The following MALRD1 variants were observed in gnomAD, a reference collection of about 807,000 sequenced individuals.
MALRD1 encodes MAM and LDL-receptor class A domain-containing protein 1.
In MALRD1, 247 loss-of-function variants were observed where a neutral mutation model predicts 242.1. That is an observed-to-expected ratio of 1.02 (90% CI 0.92 to 1.13). MALRD1 has a LOEUF of 1.13. Among genes scored for constraint, MALRD1 ranks in the 50% most tolerant of loss-of-function variants. The pLI is 0.00. For missense variants in MALRD1, 2,989 were observed against 2,533.1 expected, an observed-to-expected ratio of 1.18 and a Z score of -3.86; for synonymous variants, 995 against 866.6, an observed-to-expected ratio of 1.15 and a Z score of -2.60.
chr10:19,493,172 C>T (rs1016409341), intron 30 of MALRD1: 1 of 152,046 alleles, frequency 6.6e-6, no homozygotes, highest in Non-Finnish European at 1.5e-5. Flanking sequence ...TACCCCTTCC[C>T]CTAGACCATG....
chr10:19,554,640 A>G (rs886485069), intron 32 of MALRD1, among the ~76,000 whole-genome samples: 2 of 151,922 alleles, frequency 1.3e-5, no homozygotes, highest in African/African-American at 2.4e-5. Context: ...GAGAACATGC[A>G]GTGTTTGGTT....
At chr10:19,552,866 T>C (rs1835548535) in intron 32 of MALRD1, among the ~76,000 whole-genome samples, 1 of 152,182 alleles carries the variant, frequency 6.6e-6, no homozygotes, top group Non-Finnish European at 1.5e-5. Flanking sequence ...GTTCAAGCTA[T>C]AGTCCACAAC....
chr10:19,308,888 A>AC (rs1842324482), intron 21 of MALRD1, among the ~76,000 whole-genome samples: 1 of 151,618 alleles, frequency 6.6e-6, no homozygotes, highest in Non-Finnish European at 1.5e-5. Flanking sequence ...TAAGAATGTA[A>AC]TAAATCAAAG....
In MALRD1 at chr10:19,133,954, A is replaced by G. The variant is rs1833219833; in HGVS notation, c.1203+6A>G. On this transcript the variant is annotated splice_donor_region_variant and intron_variant, in intron 9 of 39. Transcript: ENST00000454679. Reference sequence around the variant, plus strand: ...AAGATCTGAAGACATTTAAGGTATGAAAGAAAAAAAAAAAGTATTTTTTTA... The same window carrying G: ...AAGATCTGAAGACATTTAAGGTATGGAAGAAAAAAAAAAAGTATTTTTTTA... 11 of 1,209,960 alleles carry G rather than the reference A, an allele frequency of 9.1e-6. No individual in the cohort carries two copies. Among genetic ancestry groups the G allele is most frequent in the Non-Finnish European group, 1.0e-5 (10 of 968,488 alleles). The allele number at this position is 1,209,960 out of a possible 1,614,324, so 75.0% of individuals were successfully genotyped here.
chr10:19,495,550 C>T (rs1837676407), intron 30 of MALRD1, among the ~76,000 whole-genome samples: 1 of 151,976 alleles, frequency 6.6e-6, no homozygotes, highest in African/African-American at 2.4e-5. Context: ...CAAGCAAATG[C>T]TGAGATAATT....
intron 24 of MALRD1, among the ~76,000 whole-genome samples, chr10:19,341,610 G>T (rs893145274): frequency 3.3e-5 from 5 of 150,662 alleles, no homozygotes; most frequent in African/African-American, 1.2e-4. Flanking sequence ...AGATATTACA[G>T]TGATTAGTGT....
chr10:19,587,814 C>T (rs982987628), intron 33 of MALRD1, among the ~76,000 whole-genome samples: 3 of 151,636 alleles, frequency 2.0e-5, no homozygotes, highest in Admixed American at 6.6e-5. Context: ...GTCTGCATAG[C>T]ACAAAGTGAA....
intron 33 of MALRD1, among the ~76,000 whole-genome samples, chr10:19,587,052 C>T (rs1157908279): frequency 6.6e-6 from 1 of 152,250 alleles, no homozygotes; most frequent in Non-Finnish European, 1.5e-5. Flanking sequence ...CCTTGCTCTT[C>T]CCGAGTGAGG....
At chr10:19,376,208 C>T (rs1041114170) in intron 26 of MALRD1, among the ~76,000 whole-genome samples, 4 of 152,204 alleles carry the variant, frequency 2.6e-5, no homozygotes, top group African/African-American at 9.6e-5. Flanking sequence ...ATCTTTCTTC[C>T]TTTCCTTGCC....
At chr10:19,618,818 C>T (rs1393470250) in intron 36 of MALRD1, among the ~76,000 whole-genome samples, 1 of 151,976 alleles carries the variant, frequency 6.6e-6, no homozygotes, top group Admixed American at 6.6e-5. Context: ...TTCTCATTAC[C>T]TGATTTCTGG....
chr10:19,372,430 G>A (rs1036096266), intron 26 of MALRD1, among the ~76,000 whole-genome samples: 8 of 151,874 alleles, frequency 5.3e-5, no homozygotes, highest in Admixed American at 2.0e-4. Context: ...GTACCATAGA[G>A]TTAGTGTAGG....
chr10:19,389,234 A>G, intron 27 of MALRD1: 2 of 659,046 alleles, frequency 3.0e-6, no homozygotes, highest in South Asian at 1.5e-5. Context: ...GTTAATCTGC[A>G]TACTGTGAAG....
intron 36 of MALRD1, among the ~76,000 whole-genome samples, chr10:19,691,887 T>C (rs75291372): frequency 0.042 from 6,333 of 152,222 alleles, 354 homozygotes; most frequent in African/African-American, 0.12. Context: ...GAATCTGCTC[T>C]GTTGGTTTTC....
At chr10:19,432,334 A>T (rs1426626450) in intron 28 of MALRD1, among the ~76,000 whole-genome samples, 1 of 152,194 alleles carries the variant, frequency 6.6e-6, no homozygotes, top group African/African-American at 2.4e-5. Flanking sequence ...TGAATTTTGA[A>T]ATGTTTATTT....
At chr10:19,560,874 G>T (rs1835933665) in intron 32 of MALRD1, among the ~76,000 whole-genome samples, 5 of 151,758 alleles carry the variant, frequency 3.3e-5, no homozygotes, top group Admixed American at 3.3e-4. Flanking sequence ...CGGGTTGATG[G>T]GTACAGAAAA....
intron 21 of MALRD1, among the ~76,000 whole-genome samples, chr10:19,292,479 C>A (rs994543564): frequency 5.3e-5 from 8 of 152,130 alleles, no homozygotes; most frequent in Admixed American, 3.9e-4. Context: ...TAAAAAAAAA[C>A]ACTGATCGTT....
At chr10:19,667,309 A>C (rs1841717848) in intron 36 of MALRD1, among the ~76,000 whole-genome samples, 1 of 152,100 alleles carries the variant, frequency 6.6e-6, no homozygotes, top group East Asian at 1.9e-4. Context: ...AAGGAAAAAA[A>C]AATATCTGGA....
intron 14 of MALRD1, among the ~76,000 whole-genome samples, chr10:19,188,219 T>G (rs1420879540): frequency 6.6e-6 from 1 of 152,180 alleles, no homozygotes; most frequent in Non-Finnish European, 1.5e-5. Flanking sequence ...CCATCGTCAA[T>G]GACCACCTGT....
chr10:19,313,800 G>A (rs1252487885), intron 21 of MALRD1, among the ~76,000 whole-genome samples: 4 of 151,418 alleles, frequency 2.6e-5, no homozygotes, highest in African/African-American at 9.7e-5. Flanking sequence ...TCCAGTGAAT[G>A]TCATACAATA....
Sources: gnomAD v4.1 joint callset for allele counts (sites outside exome capture counted in the v4.1 genomes callset) on GRCh38, gnomAD v4.1.1 for gene constraint, MANE v1.5 for transcripts, NCBI Gene and HGNC (gene_info 2026-07-23, HGNC 2026-07-21) for gene names.